CAPZA2: variants seen among roughly 807,000 people sequenced by gnomAD.
The protein encoded by CAPZA2 is capping actin protein of muscle Z-line subunit alpha 2, also known as F-actin-capping protein subunit alpha-2.
In CAPZA2, 13 loss-of-function variants were observed where a neutral mutation model predicts 44.0. That is an observed-to-expected ratio of 0.30 (90% CI 0.19 to 0.47). The LOEUF (loss-of-function observed/expected upper bound fraction) is 0.47. CAPZA2 is among the 20% of genes least tolerant of loss of function. The pLI is 1.00. For missense variants in CAPZA2, 244 were observed against 338.6 expected (o/e 0.72, Z 2.19); for synonymous variants, 94 against 108.2 (o/e 0.87, Z 0.81).
At chr7:116,864,928 A>T (rs993672946) in intron 1 of CAPZA2, among the ~76,000 whole-genome samples, 1 of 152,076 alleles carries the variant, frequency 6.6e-6, no homozygotes, top group Non-Finnish European at 1.5e-5. Flanking sequence ...TCCATTCTAG[A>T]TTGCAAATTT....
chr7:116,907,667 GAC>G (rs1791535241), intron 6 of CAPZA2, among the ~76,000 whole-genome samples: 1 of 152,080 alleles, frequency 6.6e-6, no homozygotes, highest in Admixed American at 6.6e-5. Flanking sequence ...TCTGTTTAGA[GAC>G]AGAGTCTTGC....
intron 1 of CAPZA2, among the ~76,000 whole-genome samples, chr7:116,880,504 T>C (rs1405164618): frequency 6.6e-6 from 1 of 151,406 alleles, no homozygotes; most frequent in Non-Finnish European, 1.5e-5. Context: ...TTCAAGCAAT[T>C]CTCCTGCCTC....
At chr7:116,877,396 A>G (rs568164531) in intron 1 of CAPZA2, among the ~76,000 whole-genome samples, 26 of 152,340 alleles carry the variant, frequency 1.7e-4, no homozygotes, top group African/African-American at 5.3e-4. Flanking sequence ...AATCATGTAT[A>G]TGAAGTGATA....
intron 1 of CAPZA2, 139 bp downstream of exon 1, chr7:116,862,789 A>T: frequency 1.0e-6 from 1 of 954,110 alleles, no homozygotes; most frequent in Non-Finnish European, 1.5e-6. Context: ...CCCCATCCTT[A>T]CTGCGCCCAG....
chr7:116,862,896 G>C (rs1796435603), intron 1 of CAPZA2, among the ~76,000 whole-genome samples: 1 of 152,044 alleles, frequency 6.6e-6, no homozygotes, highest in South Asian at 2.1e-4. Flanking sequence ...TCCGAAAATA[G>C]GAAGCGGGAG....
chr7:116,875,697 C>T (rs1229336399), intron 1 of CAPZA2, among the ~76,000 whole-genome samples: 2 of 151,428 alleles, frequency 1.3e-5, no homozygotes, highest in Non-Finnish European at 2.9e-5. Context: ...CAGGTGCTCA[C>T]CATCATGCCT....
intron 7 of CAPZA2, among the ~76,000 whole-genome samples, chr7:116,910,568 T>C (rs1791578076): frequency 6.6e-6 from 1 of 152,202 alleles, no homozygotes. Flanking sequence ...TTTGGTCTGC[T>C]CTTCAGATAC....
At chr7:116,879,536 A>T (rs1436868219) in intron 1 of CAPZA2, among the ~76,000 whole-genome samples, 1 of 152,170 alleles carries the variant, frequency 6.6e-6, no homozygotes, top group Non-Finnish European at 1.5e-5. Flanking sequence ...ATCATCAGAC[A>T]TTAATTAGAT....
chr7:116,904,286 C>T lies in CAPZA2; in HGVS notation c.329C>T (p.Pro110Leu), dbSNP rs368538215. The T allele has an allele frequency of 6.2e-7, 1 of 1,612,734 alleles. No individual in the cohort carries two copies. The highest frequency in any genetic ancestry group is 8.5e-7 in the Non-Finnish European group (1 of 1,179,012). ...AGGAAGGAGGCAACTGATCCAAGAC[C>T]CTGTGAAGTAGAAAATGCAGTTGAA... ...HLRKEATDPR[P>L]CEVENAVESW... The change falls in exon 5 of 10, where the codon CCC (proline) becomes CTC (leucine). Residue 110 changes from proline (P) to leucine (L), a missense_variant. Pro to Leu is a moderately conservative substitution (Grantham distance 98). Coordinates refer to ENST00000361183, the MANE Select transcript of CAPZA2 (RefSeq NM_006136.3).
chr7:116,919,654 A>C lies in CAPZA2; in HGVS notation c.*1787A>C, dbSNP rs1235301831. 2 of 150,532 alleles carry C rather than the reference A, an allele frequency of 1.3e-5. No homozygotes were observed. The highest frequency in any genetic ancestry group is 2.5e-5 in the African/African-American group (1 of 40,026). 9.3% of individuals were successfully genotyped at this position (150,532 alleles called of 1,614,324 possible). ...GCCGAGGCGGGTGGATCACGGGGTC[A>C]GGAGATTGAGACCACCCTGACTAAC... On this transcript the variant is annotated 3_prime_UTR_variant, in exon 10 of 10. Transcript: ENST00000361183.
chr7:116,916,223 TAG>T, intron 9 of CAPZA2, 101 bp downstream of exon 9: 1 of 1,238,662 alleles, frequency 8.1e-7, no homozygotes, highest in South Asian at 1.8e-5. Flanking sequence ...TTGCATCAGT[TAG>T]AGTCTTTTTG....
At chr7:116,895,501 A>G (rs1157185576) in intron 3 of CAPZA2, among the ~76,000 whole-genome samples, 1 of 152,130 alleles carries the variant, frequency 6.6e-6, no homozygotes, top group Non-Finnish European at 1.5e-5. Context: ...TGTAACAGGA[A>G]ATACATGATA....
chr7:116,911,817 G>A (rs1562963900), intron 7 of CAPZA2, among the ~76,000 whole-genome samples: 1 of 152,204 alleles, frequency 6.6e-6, no homozygotes, highest in Non-Finnish European at 1.5e-5. Flanking sequence ...ATGAATGACT[G>A]TGAGGCAAAA....
At chr7:116,892,886 G>C in intron 2 of CAPZA2, 108 bp from the exon 3 acceptor site, 1 of 494,754 alleles carries the variant, frequency 2.0e-6, no homozygotes, top group Non-Finnish European at 3.5e-6. Flanking sequence ...TTTTGATCTT[G>C]CTTGTGTTTG....
At position 116,875,313 on chromosome 7, in the gene CAPZA2, A is replaced by G. The variant is rs1032207083; in HGVS notation, c.39+12663A>G. 6.6e-5 allele frequency: 10 copies of G among 152,302 alleles called. No individual in the cohort carries two copies. The East Asian group carries it at 1.7e-3, about 26-fold the overall frequency. 9.4% of individuals were successfully genotyped at this position (152,302 alleles called of 1,614,324 possible). A position where few individuals can be genotyped will look rare whatever the true frequency, so the allele number is the denominator to read the frequency against. The stretch of plus-strand genomic sequence containing the variant: ...TTAGGTCTTCTAATTTGCTCCATCA[A>G]AGAACATTTCTCACTATTTAATAAA... On this transcript the variant is annotated intron_variant, in intron 1 of 9. Transcript: ENST00000361183.
intron 3 of CAPZA2, among the ~76,000 whole-genome samples, chr7:116,894,709 A>T (rs900169427): frequency 6.6e-6 from 1 of 152,144 alleles, no homozygotes; most frequent in African/African-American, 2.4e-5. Flanking sequence ...ACTACCTATG[A>T]ATTTGACAAC....
At chr7:116,909,247 G>A (rs1364099952) in intron 6 of CAPZA2, among the ~76,000 whole-genome samples, 1 of 152,046 alleles carries the variant, frequency 6.6e-6, no homozygotes, top group Non-Finnish European at 1.5e-5. Context: ...CCAGTATAGT[G>A]ATTAATTACC....
At chr7:116,871,284 A>T (rs1426907445) in intron 1 of CAPZA2, among the ~76,000 whole-genome samples, 3 of 152,212 alleles carry the variant, frequency 2.0e-5, no homozygotes. Flanking sequence ...ACAGAATGTG[A>T]CGAGAATTTC....
chr7:116,915,583 C>G (rs1791669168), intron 8 of CAPZA2: 1 of 151,242 alleles, frequency 6.6e-6, no homozygotes, highest in African/African-American at 2.4e-5. Flanking sequence ...AGCAAACAAA[C>G]CCATCTATTG....
Sources: gnomAD v4.1 joint callset for allele counts (sites outside exome capture counted in the v4.1 genomes callset) on GRCh38, gnomAD v4.1.1 for gene constraint, MANE v1.5 for transcripts, NCBI Gene and HGNC (gene_info 2026-07-23, HGNC 2026-07-21) for gene names.